DLG2: variants seen among roughly 807,000 people sequenced by gnomAD.
The protein encoded by DLG2 is discs large MAGUK scaffold protein 2, also known as disks large homolog 2.
DLG2 carries 45 observed loss-of-function variants against 132.5 expected under a neutral mutation model. The ratio of observed to expected loss-of-function variants is 0.34; its 90% CI spans 0.27 to 0.44. The LOEUF (loss-of-function observed/expected upper bound fraction) is 0.44, where lower values mean the gene tolerates loss of function less well. DLG2 is among the 20% of genes least tolerant of loss of function. DLG2 has a pLI of 1.00. For synonymous variants in DLG2, 424 were observed against 419.6 expected (o/e 1.01, Z -0.13); for missense variants, 1,045 against 1,196.9 (o/e 0.87, Z 1.87).
At chr11:85,365,607 C>A (rs1596550989) in intron 3 of DLG2, among the ~76,000 whole-genome samples, 2 of 152,288 alleles carry the variant, frequency 1.3e-5, no homozygotes, top group East Asian at 3.9e-4. Context: ...GATTATAAAT[C>A]ATTCTACTAT....
chr11:84,260,532 TTCAA>T (rs1332749581), intron 7 of DLG2, among the ~76,000 whole-genome samples: 2 of 152,214 alleles, frequency 1.3e-5, no homozygotes, highest in African/African-American at 2.4e-5. Context: ...ATCACACACA[TTCAA>T]TCATTTAATT....
chr11:83,605,144 G>T (rs1191266490), intron 19 of DLG2, among the ~76,000 whole-genome samples: 1 of 152,074 alleles, frequency 6.6e-6, no homozygotes, highest in Non-Finnish European at 1.5e-5. Flanking sequence ...GCTTTAAAAT[G>T]CCCAATTCAA....
At chr11:83,802,677 A>G (rs1419264801) in intron 17 of DLG2, among the ~76,000 whole-genome samples, 1 of 152,230 alleles carries the variant, frequency 6.6e-6, no homozygotes, top group Non-Finnish European at 1.5e-5. Flanking sequence ...CTATGCAGTC[A>G]TTAAAAGCAA....
At chr11:84,118,960 C>G (rs118186208) in intron 9 of DLG2, among the ~76,000 whole-genome samples, 4 of 152,254 alleles carry the variant, frequency 2.6e-5, no homozygotes, top group Non-Finnish European at 4.4e-5. Context: ...GAATACACTT[C>G]AAAAGCAAAA....
At chr11:85,139,741 T>C (rs1829095844) in intron 5 of DLG2, among the ~76,000 whole-genome samples, 1 of 152,064 alleles carries the variant, frequency 6.6e-6, no homozygotes, top group Non-Finnish European at 1.5e-5. Flanking sequence ...TTCTTCATAG[T>C]ACATATCTGC....
At chr11:85,183,536 G>T (rs1478315125) in intron 4 of DLG2, among the ~76,000 whole-genome samples, 1 of 151,868 alleles carries the variant, frequency 6.6e-6, no homozygotes, top group Non-Finnish European at 1.5e-5. Context: ...CAAAACCATT[G>T]CCAGGGGGAT....
At chr11:85,146,227 CCT>C (rs35640163) in intron 5 of DLG2, among the ~76,000 whole-genome samples, 2,659 of 129,058 alleles carry the variant, frequency 0.021, 39 homozygotes, top group South Asian at 0.043. Context: ...TCTGTTTCTC[CCT>C]CTCTCTCTCT....
chr11:84,978,736 T>C (rs1264615818), intron 6 of DLG2, among the ~76,000 whole-genome samples: 2 of 152,112 alleles, frequency 1.3e-5, no homozygotes, highest in Non-Finnish European at 2.9e-5. Context: ...GGCAATACCT[T>C]TCAGGACACA....
chr11:85,592,085 A>C (rs912314749), intron 3 of DLG2, among the ~76,000 whole-genome samples: 2 of 152,180 alleles, frequency 1.3e-5, no homozygotes, highest in Non-Finnish European at 2.9e-5. Context: ...GTCTAGCCCC[A>C]AAAATTTAGT....
intron 3 of DLG2, among the ~76,000 whole-genome samples, chr11:85,344,069 T>C (rs558911096): frequency 6.6e-6 from 1 of 152,340 alleles, no homozygotes; most frequent in African/African-American, 2.4e-5. Flanking sequence ...AATAATCATC[T>C]TGAGACCTGA....
chr11:85,442,471 C>A (rs751225271), intron 3 of DLG2, among the ~76,000 whole-genome samples: 15 of 152,142 alleles, frequency 9.9e-5, no homozygotes, highest in Non-Finnish European at 1.6e-4. Context: ...TCAAAAATGA[C>A]TCATCAGAGT....
intron 6 of DLG2, among the ~76,000 whole-genome samples, chr11:84,903,966 T>C (rs1309096726): frequency 6.6e-6 from 1 of 152,138 alleles, no homozygotes; most frequent in East Asian, 1.9e-4. Flanking sequence ...AAAGGCAATT[T>C]ACAAATGGAG....
At chr11:85,555,138 G>A (rs1565679436) in intron 3 of DLG2, among the ~76,000 whole-genome samples, 1 of 151,826 alleles carries the variant, frequency 6.6e-6, no homozygotes, top group Admixed American at 6.6e-5. Flanking sequence ...GGGTTTGTCT[G>A]TGCAGTGGGC....
chr11:83,895,225 T>C (rs2071281173), intron 15 of DLG2, among the ~76,000 whole-genome samples: 2 of 145,256 alleles, frequency 1.4e-5, no homozygotes, highest in Non-Finnish European at 3.0e-5. Context: ...AATGGCAAGA[T>C]CTCAGCTCAC....
intron 4 of DLG2, among the ~76,000 whole-genome samples, chr11:85,181,042 ATTAT>A (rs57757570): frequency 0.012 from 1,781 of 151,890 alleles, 28 homozygotes; most frequent in African/African-American, 0.039. Flanking sequence ...TCAATTGTTT[ATTAT>A]TTAATATTCT....
At chr11:84,509,085 C>T (rs1004734928) in intron 7 of DLG2, among the ~76,000 whole-genome samples, 1 of 152,220 alleles carries the variant, frequency 6.6e-6, no homozygotes, top group Non-Finnish European at 1.5e-5. Context: ...GATCAATCAA[C>T]TTATAAGCTA....
chr11:85,120,404 T>C (rs1336837539), intron 5 of DLG2, among the ~76,000 whole-genome samples: 1 of 152,004 alleles, frequency 6.6e-6, no homozygotes, highest in Non-Finnish European at 1.5e-5. Context: ...TTAAGAGACT[T>C]GCAAGAAAAC....
intron 3 of DLG2, among the ~76,000 whole-genome samples, chr11:85,345,857 A>G (rs2082798319): frequency 6.6e-6 from 1 of 152,076 alleles, no homozygotes; most frequent in African/African-American, 2.4e-5. Context: ...TTGATCACAT[A>G]TGATAACTAT....
At position 84,784,975 on chromosome 11, in the gene DLG2, T is replaced by C. The variant is rs546180091; in HGVS notation, c.358-250244A>G. On this transcript the variant is annotated intron_variant, in intron 6 of 27. Coordinates refer to ENST00000376104, the MANE Select transcript of DLG2 (RefSeq NM_001142699.3). ...ATTCTCATCACAGAAATGATAACTA[T>C]GTGAGGTAATGCATATGTTAATTAG... Among the ~76,000 whole-genome samples, 6 of 152,278 alleles carry C rather than the reference T, an allele frequency of 3.9e-5. 1 individual carries two copies. Among genetic ancestry groups the C allele is most frequent in the African/African-American group, 1.4e-4 (6 of 41,574 alleles).
Sources: gnomAD v4.1 joint callset for allele counts (sites outside exome capture counted in the v4.1 genomes callset) on GRCh38, gnomAD v4.1.1 for gene constraint, MANE v1.5 for transcripts, NCBI Gene and HGNC (gene_info 2026-07-23, HGNC 2026-07-21) for gene names.